Variants in WWOX observed in about 807,000 individuals in gnomAD.
The protein encoded by WWOX is WW domain-containing oxidoreductase.
Under a neutral mutation model 46.2 loss-of-function variants are expected in WWOX, and 69 were observed. The ratio of observed to expected loss-of-function variants is 1.49; its 90% CI spans 1.23 to 1.82. WWOX has a LOEUF of 1.82. Among genes scored for constraint, WWOX ranks in the 40% most tolerant of loss-of-function variants. The pLI, the probability that WWOX is intolerant of heterozygous loss-of-function variation, is 0.00. For synonymous variants in WWOX, 359 were observed against 202.6 expected, an observed-to-expected ratio of 1.77 and a Z score of -6.56; for missense variants, 919 against 542.6, an observed-to-expected ratio of 1.69 and a Z score of -6.89.
chr16:78,774,501 TGTG>T (rs2050140842), intron 8 of WWOX, among the ~76,000 whole-genome samples: 3 of 19,148 alleles, frequency 1.6e-4, no homozygotes, highest in African/African-American at 3.9e-4. Context: ...CCATTTTGTG[TGTG>T]TGTGTGTGTG....
intron 8 of WWOX, among the ~76,000 whole-genome samples, chr16:78,466,527 T>C (rs2738667): frequency 0.34 from 51,901 of 151,966 alleles, 12,161 homozygotes; most frequent in African/African-American, 0.67. Context: ...TAAGCTGCTG[T>C]TGTTGTTTTT....
At chr16:78,523,984 A>C (rs2043403687) in intron 8 of WWOX, among the ~76,000 whole-genome samples, 2 of 152,200 alleles carry the variant, frequency 1.3e-5, no homozygotes. Context: ...GTGCTACTAT[A>C]CAAATACACA....
At chr16:79,029,775 C>T (rs894074040) in intron 8 of WWOX, among the ~76,000 whole-genome samples, 1 of 151,812 alleles carries the variant, frequency 6.6e-6, no homozygotes, top group Admixed American at 6.6e-5. Flanking sequence ...TTAATTGTAC[C>T]CTGGATTTAT....
At chr16:79,031,916 CTA>C (rs1186004791) in intron 8 of WWOX, among the ~76,000 whole-genome samples, 29 of 85,216 alleles carry the variant, frequency 3.4e-4, no homozygotes, top group East Asian at 2.9e-3. Flanking sequence ...ATATAGATAT[CTA>C]TATATATAGA....
At chr16:78,198,551 A>G in intron 5 of WWOX, among the ~76,000 whole-genome samples, 1 of 152,142 alleles carries the variant, frequency 6.6e-6, no homozygotes, top group Middle Eastern at 3.2e-3. Context: ...AACAAAGGCA[A>G]CTTCTAGGAG....
At chr16:78,952,361 A>ATTTTTGTT (rs955030041) in intron 8 of WWOX, among the ~76,000 whole-genome samples, 1 of 145,634 alleles carries the variant, frequency 6.9e-6, no homozygotes, top group Non-Finnish European at 1.5e-5. Flanking sequence ...GCAGTTTTAC[A>ATTTTTGTT]TTTTTGTTTT....
intron 8 of WWOX, among the ~76,000 whole-genome samples, chr16:78,832,074 G>A (rs1207784689): frequency 6.6e-6 from 1 of 152,172 alleles, no homozygotes; most frequent in Middle Eastern, 3.2e-3. Flanking sequence ...CATTGTCTTT[G>A]TGGGTCAGGA....
At chr16:78,854,824 T>G (rs942569559) in intron 8 of WWOX, among the ~76,000 whole-genome samples, 3 of 152,104 alleles carry the variant, frequency 2.0e-5, no homozygotes, top group Non-Finnish European at 2.9e-5. Context: ...TCAGGTGATC[T>G]GCCCTCCTCG....
intron 5 of WWOX, among the ~76,000 whole-genome samples, chr16:78,176,465 A>G (rs2345441): frequency 0.84 from 127,622 of 152,174 alleles, 53,879 homozygotes; most frequent in African/African-American, 0.94. Flanking sequence ...CAGGGGAACC[A>G]TGCACTTATT....
chr16:78,483,870 G>A (rs909885458), intron 8 of WWOX, among the ~76,000 whole-genome samples: 2 of 152,092 alleles, frequency 1.3e-5, no homozygotes, highest in East Asian at 3.9e-4. Flanking sequence ...CATTGACTTT[G>A]CTCACAAAAA....
At chr16:78,524,855 G>A (rs368579387) in intron 8 of WWOX, among the ~76,000 whole-genome samples, 6 of 95,984 alleles carry the variant, frequency 6.3e-5, no homozygotes, top group East Asian at 3.2e-4. Flanking sequence ...CGTTGATTTT[G>A]TTTTTCTTTC....
chr16:78,607,331 T>C (rs889260969), intron 8 of WWOX, among the ~76,000 whole-genome samples: 1 of 152,172 alleles, frequency 6.6e-6, no homozygotes, highest in African/African-American at 2.4e-5. Context: ...GTAAATGAAA[T>C]ACGCTTACAT....
chr16:78,525,183 T>G (rs1007610055), intron 8 of WWOX: 2 of 100,298 alleles, frequency 2.0e-5, no homozygotes, highest in African/African-American at 6.8e-5. Context: ...GTTTTTCTTT[T>G]CTTTTTTTTT....
chr16:78,437,134 C>A (rs950154437), intron 8 of WWOX, among the ~76,000 whole-genome samples: 3 of 152,174 alleles, frequency 2.0e-5, no homozygotes, highest in African/African-American at 7.2e-5. Context: ...AAATACAACC[C>A]AGACTTGCGC....
chr16:78,634,423 G>C (rs1454963945), intron 8 of WWOX, among the ~76,000 whole-genome samples: 1 of 152,036 alleles, frequency 6.6e-6, no homozygotes, highest in Non-Finnish European at 1.5e-5. Context: ...AAGTTGTAGG[G>C]ACAGCCGGGC....
At chr16:78,216,866 G>A (rs1004031550) in intron 5 of WWOX, among the ~76,000 whole-genome samples, 1 of 152,004 alleles carries the variant, frequency 6.6e-6, no homozygotes, top group Non-Finnish European at 1.5e-5. Context: ...TGAGTACCTG[G>A]GACCACAGGC....
At chr16:79,067,473 C>T (rs537736528) in intron 8 of WWOX, among the ~76,000 whole-genome samples, 8 of 152,094 alleles carry the variant, frequency 5.3e-5, no homozygotes, top group Non-Finnish European at 7.3e-5. Context: ...ATGCTCTTCT[C>T]GGCTCCTGTG....
At chr16:78,716,120 A>T (rs1180886253) in intron 8 of WWOX, among the ~76,000 whole-genome samples, 1 of 152,162 alleles carries the variant, frequency 6.6e-6, no homozygotes, top group Non-Finnish European at 1.5e-5. Context: ...GATAGGCCCT[A>T]ATCCAATATG....
At chr16:78,734,160 C>T (rs1429734375) in intron 8 of WWOX, among the ~76,000 whole-genome samples, 1 of 152,092 alleles carries the variant, frequency 6.6e-6, no homozygotes, top group African/African-American at 2.4e-5. Context: ...GTATTAAATT[C>T]TAGTTAGAGA....
Sources: allele counts gnomAD v4.1 joint callset (sites outside exome capture counted in the v4.1 genomes callset), GRCh38; gene constraint gnomAD v4.1.1; transcripts MANE v1.5; gene names NCBI Gene and HGNC (gene_info 2026-07-23, HGNC 2026-07-21).